The following SOD2 variants were observed in gnomAD, a reference collection of about 807,000 sequenced individuals.
SOD2 encodes the protein superoxide dismutase [Mn], mitochondrial.
SOD2 carries 11 observed loss-of-function variants against 27.0 expected under a neutral mutation model. That is an observed-to-expected ratio of 0.41 (90% CI 0.26 to 0.67). The LOEUF is 0.67. Among genes scored for constraint, SOD2 ranks in the 30% least tolerant of loss-of-function variants. SOD2 has a pLI of 0.34. For missense variants in SOD2, 250 were observed against 274.5 expected (o/e 0.91, Z 0.63); for synonymous variants, 105 against 103.0 (o/e 1.02, Z -0.12).
chr6:159,693,299 C>G (rs1408412003), upstream of SOD2: 3 of 649,348 alleles, frequency 4.6e-6, no homozygotes, highest in Non-Finnish European at 7.0e-6. Flanking sequence ...GCCGCGACCC[C>G]AGCTGCGCCG....
At chr6:159,750,043 G>A (rs752957851), upstream of SOD2, among the ~76,000 whole-genome samples, 47 of 152,324 alleles carry the variant, frequency 3.1e-4, no homozygotes, top group Non-Finnish European at 6.2e-4. Flanking sequence ...TTAGGGAACT[G>A]ATTGTGGGGC....
intron 1 of SOD2, chr6:159,755,745 CTTTGTTTTTTTTT>C (rs1260302046): frequency 3.1e-5 from 9 of 288,300 alleles, no homozygotes; most frequent in East Asian, 8.1e-5. Context: ...TGTTTTTTTT[CTTTGTTTTTTTTT>C]TCTTTTCTTT....
intron 1 of SOD2, among the ~76,000 whole-genome samples, chr6:159,708,507 C>T (rs1391726202): frequency 6.6e-6 from 1 of 152,194 alleles, no homozygotes; most frequent in East Asian, 1.9e-4. Flanking sequence ...CATGAGTGAA[C>T]TCCCATTCAC....
In SOD2 at chr6:159,688,229, G is replaced by A. The variant is rs770260532; in HGVS notation, c.240C>T (p.Ala80=). 6.2e-7 allele frequency: 1 copy of A among 1,606,126 alleles called. No individual in the cohort carries two copies. The change falls in exon 3 of 5, where the codon GCC becomes GCT. Residue 80 remains alanine, a synonymous_variant. Transcript: ENST00000538183. The part of the protein sequence containing the change: ...QEALAKGDVT[A]QIALQPALKF... The stretch of plus-strand genomic sequence containing the variant: ...TCAGTGCAGGCTGAAGAGCTATCTG[G>A]GCTGTAACATCTCCTGAAAAGTTAA...
At chr6:159,761,637 C>G in exon 1 of SOD2, 1 of 452,686 alleles carries the variant, frequency 2.2e-6, no homozygotes, top group Non-Finnish European at 4.4e-6. Context: ...CAGTCCTGAG[C>G]TGAACGAGAG....
In SOD2 at chr6:159,692,690, T is replaced by A. The variant is rs5746097; in HGVS notation, c.197A>T (p.Glu66Val). The A allele has an allele frequency of 1.9e-6, 3 of 1,614,054 alleles. No homozygotes were observed. The Admixed American group carries it at 5.0e-5, about 27-fold the overall frequency. ...GGCCAACGCCTCCTGGTACTTCTCC[T>A]CGGTGACGTTCAGGTTGTTCACGTA... The part of the protein sequence containing the change: ...AAYVNNLNVT[E>V]EKYQEALAKG... The change falls in exon 2 of 5, where the codon GAG becomes GTG. Residue 66 changes from glutamate to valine, a missense_variant. Transcript: ENST00000538183.
intron 1 of SOD2, among the ~76,000 whole-genome samples, chr6:159,740,304 A>G (rs977413994): frequency 6.6e-6 from 1 of 152,226 alleles, no homozygotes; most frequent in Admixed American, 6.5e-5. Context: ...TTATTTTAAG[A>G]TACCTTTAAG....
At position 159,682,347 on chromosome 6, in the gene SOD2, T is replaced by G. The variant is rs759103410; in HGVS notation, c.*146A>C. On this transcript the variant is annotated 3_prime_UTR_variant, in exon 5 of 5. Transcript: ENST00000538183. Reference sequence around the variant, plus strand: ...AACAAAATGTTTAGTAAGAAATTATTCAGAACATTAAGTTGTTTATGAAAT... The same window carrying G: ...AACAAAATGTTTAGTAAGAAATTATGCAGAACATTAAGTTGTTTATGAAAT... 69 of 562,244 alleles carry G rather than the reference T, an allele frequency of 1.2e-4. No homozygotes were observed. Among genetic ancestry groups the G allele is most frequent in the Non-Finnish European group, 1.9e-4 (66 of 354,808 alleles). 34.8% of individuals were successfully genotyped at this position (562,244 alleles called of 1,614,324 possible).
chr6:159,739,179 G>A lies in SOD2; in HGVS notation c.-116+5951C>T, dbSNP rs768959959. On this transcript the variant is annotated intron_variant, in intron 1 of 3. Transcript: ENST00000537657. ...TCAAATAATTTAATGTACTTTTTGA[G>A]CATACTATGACCTATTTCTTATATT... 7.4e-6 allele frequency: 5 copies of A among 676,726 alleles called. No individual in the cohort carries two copies. In the Admixed American group the frequency reaches 1.7e-4, roughly 24 times the overall value. The allele number at this position is 676,726 out of a possible 1,614,324, so 41.9% of individuals were successfully genotyped here. A position where few individuals can be genotyped will look rare whatever the true frequency, so the allele number is the denominator to read the frequency against.
chr6:159,682,914 T>A (rs562988706), intron 4 of SOD2, among the ~76,000 whole-genome samples: 1 of 152,184 alleles, frequency 6.6e-6, no homozygotes, highest in Non-Finnish European at 1.5e-5. Flanking sequence ...TTCTTAAAAA[T>A]ACCAACAAAT....
At chr6:159,728,125 A>C (rs774636802), upstream of SOD2, among the ~76,000 whole-genome samples, 6 of 152,246 alleles carry the variant, frequency 3.9e-5, no homozygotes, top group Admixed American at 6.5e-5. Context: ...CCTACATTTC[A>C]TGTCACGCAG....
chr6:159,698,225 A>T (rs1200575953), upstream of SOD2, among the ~76,000 whole-genome samples: 1 of 152,046 alleles, frequency 6.6e-6, no homozygotes, highest in East Asian at 1.9e-4. Flanking sequence ...GTGAGCTGAG[A>T]TCTCGCCACT....
intron 1 of SOD2, chr6:159,738,986 A>G (rs1204978445): frequency 1.9e-6 from 3 of 1,607,946 alleles, no homozygotes; most frequent in Non-Finnish European, 2.6e-6. Flanking sequence ...AATTCTCTTT[A>G]TAGGTTCGAT....
intron 1 of SOD2, among the ~76,000 whole-genome samples, chr6:159,707,103 G>A (rs942108408): frequency 1.3e-5 from 2 of 151,670 alleles, no homozygotes; most frequent in Non-Finnish European, 2.9e-5. Context: ...AGAATCTCTG[G>A]GACACATTTA....
intron 1 of SOD2, chr6:159,742,050 T>C (rs1346479608): frequency 7.0e-7 from 1 of 1,423,954 alleles, no homozygotes; most frequent in Non-Finnish European, 9.8e-7. Context: ...ATAAACTATT[T>C]TATCGTAACA....
upstream of SOD2, among the ~76,000 whole-genome samples, chr6:159,696,928 G>A (rs997028079): frequency 2.0e-5 from 3 of 151,854 alleles, no homozygotes; most frequent in African/African-American, 7.3e-5. Flanking sequence ...TCCTAGCTAC[G>A]CCAGGAGGCT....
intron 2 of SOD2, chr6:159,691,569 T>G (rs891419083): frequency 5.9e-5 from 9 of 152,214 alleles, no homozygotes; most frequent in African/African-American, 2.2e-4. Context: ...AAAACATGAC[T>G]ATCGATTATC....
chr6:159,727,374 T>TGGCGGGAGGCGGGA (rs71033554), upstream of SOD2: 978 of 1,033,096 alleles, frequency 9.5e-4, 12 homozygotes, highest in African/African-American at 9.0e-3. Flanking sequence ...GCGGGGAGGC[T>TGGCGGGAGGCGGGA]GGCGGGAGGC....
At chr6:159,731,118 G>A (rs146117243), upstream of SOD2, among the ~76,000 whole-genome samples, 1 of 151,920 alleles carries the variant, frequency 6.6e-6, no homozygotes, top group East Asian at 1.9e-4. Context: ...TCCAGCCTGG[G>A]CAACAGAGAG....
Sources: allele counts gnomAD v4.1 joint callset (sites outside exome capture counted in the v4.1 genomes callset), GRCh38; gene constraint gnomAD v4.1.1; transcripts MANE v1.5; gene names NCBI Gene and HGNC (gene_info 2026-07-23, HGNC 2026-07-21).